Variants in PTTG1IP observed in about 807,000 individuals in gnomAD.
The protein encoded by PTTG1IP is pituitary tumor-transforming gene 1 protein-interacting protein.
In PTTG1IP, 16 loss-of-function variants were observed where a neutral mutation model predicts 24.4. The ratio of observed to expected loss-of-function variants is 0.66; its 90% CI spans 0.44 to 1.00. The LOEUF (loss-of-function observed/expected upper bound fraction) is 1.00. Among genes scored for constraint, PTTG1IP ranks in the 50% least tolerant of loss-of-function variants. The pLI is 0.00. For synonymous variants in PTTG1IP, 89 were observed against 96.8 expected, an observed-to-expected ratio of 0.92 and a Z score of 0.47; for missense variants, 241 against 245.8, an observed-to-expected ratio of 0.98 and a Z score of 0.13.
intron 3 of PTTG1IP, among the ~76,000 whole-genome samples, chr21:44,859,032 G>A (rs776458936): frequency 2.0e-5 from 3 of 152,196 alleles, no homozygotes; most frequent in Admixed American, 6.5e-5. Flanking sequence ...AGACGTGAGC[G>A]CCTGTGCCGG....
rs2083528412 is a variant in PTTG1IP, at chr21:44,865,458, G to C, written c.116-11C>G. 1.9e-6 allele frequency: 3 copies of C among 1,614,100 alleles called. No individual in the cohort carries two copies. Among genetic ancestry groups the C allele is most frequent in the Non-Finnish European group, 2.5e-6 (3 of 1,179,930 alleles). On this transcript the variant is annotated splice_polypyrimidine_tract_variant and intron_variant, in intron 1 of 5. Coordinates refer to ENST00000330938, the MANE Select transcript of PTTG1IP (RefSeq NM_004339.4). The stretch of plus-strand genomic sequence containing the variant: ...TGTTCTGAGAACAAGCTGCAGGAAA[G>C]AGGCAAGAGACAAGTCAGTCACTGA...
At chr21:44,866,582 CAAT>C in intron 1 of PTTG1IP, among the ~76,000 whole-genome samples, 1 of 127,900 alleles carries the variant, frequency 7.8e-6, no homozygotes, top group Non-Finnish European at 1.7e-5. Context: ...CCTACTCCCC[CAAT>C]CCCATAACAC....
chr21:44,871,483 G>A (rs1569328416), intron 1 of PTTG1IP, among the ~76,000 whole-genome samples: 1 of 152,192 alleles, frequency 6.6e-6, no homozygotes, highest in Non-Finnish European at 1.5e-5. Context: ...TTGCTCTAAA[G>A]ATCTTCAATA....
intron 1 of PTTG1IP, among the ~76,000 whole-genome samples, chr21:44,869,725 T>C (rs2146473640): frequency 6.6e-6 from 1 of 152,340 alleles, no homozygotes; most frequent in East Asian, 1.9e-4. Context: ...AGGACTTCAC[T>C]GCACTATTCC....
chr21:44,872,899 T>C (rs1208425521), intron 1 of PTTG1IP: 1 of 152,300 alleles, frequency 6.6e-6, no homozygotes, highest in Non-Finnish European at 1.5e-5. Flanking sequence ...TGCTTCAAAA[T>C]CAGATGCTAC....
intron 2 of PTTG1IP, among the ~76,000 whole-genome samples, chr21:44,864,390 TTTTG>T (rs1462047561): frequency 6.8e-6 from 1 of 146,276 alleles, no homozygotes; most frequent in African/African-American, 2.7e-5. Context: ...GTTCACACGT[TTTTG>T]TTTTTGTTTT....
chr21:44,869,769 T>C (rs1296730953), intron 1 of PTTG1IP, among the ~76,000 whole-genome samples: 1 of 152,164 alleles, frequency 6.6e-6, no homozygotes, highest in East Asian at 1.9e-4. Flanking sequence ...TCTTTCTAAA[T>C]ACAATCTGGG....
chr21:44,868,042 C>T (rs1309102477), intron 1 of PTTG1IP, among the ~76,000 whole-genome samples: 2 of 152,144 alleles, frequency 1.3e-5, no homozygotes, highest in African/African-American at 2.4e-5. Flanking sequence ...ATGTGCTATT[C>T]GGTTTATGGA....
intron 1 of PTTG1IP, among the ~76,000 whole-genome samples, chr21:44,872,336 G>A (rs545607345): frequency 2.0e-5 from 3 of 152,226 alleles, no homozygotes; most frequent in South Asian, 2.1e-4. Flanking sequence ...ATCCTGCATC[G>A]GAATAAACAT....
intron 5 of PTTG1IP, among the ~76,000 whole-genome samples, chr21:44,854,762 G>A (rs538365467): frequency 2.6e-5 from 4 of 152,328 alleles, no homozygotes; most frequent in African/African-American, 9.6e-5. Flanking sequence ...GAGGCTGGGC[G>A]AGAAGGAGCA....
chr21:44,873,555 G>C lies in PTTG1IP; in HGVS notation c.62C>G (p.Ala21Gly). ...CACCGGGATGAGCAGCAGGAGCAGC[G>C]CGGCGCCACCGAGGCGCAACCTCCA... ...PYWRLRLGGA[A>G]LLLLLIPVAA... Residue 21 changes from alanine (A) to glycine (G), a missense_variant, in exon 1 of 6, where the codon GCG (alanine) becomes GGG (glycine). Ala to Gly is a moderately conservative substitution (Grantham distance 60). Coordinates refer to ENST00000330938, the MANE Select transcript of PTTG1IP (RefSeq NM_004339.4). The C allele has an allele frequency of 2.0e-6, 3 of 1,474,072 alleles. No homozygotes were observed. The highest frequency in any genetic ancestry group is 1.8e-6 in the Non-Finnish European group (2 of 1,118,714). 91.3% of individuals were successfully genotyped at this position (1,474,072 alleles called of 1,614,324 possible).
Position 44,865,486 on chromosome 21 carries a change from A to G in PTTG1IP, c.116-39T>C, listed in dbSNP as rs189381262. Reference sequence around the variant, plus strand: ...GCAAGAGACAAGTCAGTCACTGAGAATCAGGCAGTGTAAATATTAGTCCAG... The same window carrying G: ...GCAAGAGACAAGTCAGTCACTGAGAGTCAGGCAGTGTAAATATTAGTCCAG... On this transcript the variant is annotated intron_variant, in intron 1 of 5. Coordinates refer to ENST00000330938, the MANE Select transcript of PTTG1IP (RefSeq NM_004339.4). 149 of 1,606,994 alleles carry G rather than the reference A, an allele frequency of 9.3e-5. No homozygotes were observed. In the African/African-American group the frequency reaches 1.9e-3, roughly 20 times the overall value.
intron 2 of PTTG1IP, among the ~76,000 whole-genome samples, chr21:44,864,712 T>C (rs2083521483): frequency 6.6e-6 from 1 of 152,198 alleles, no homozygotes; most frequent in South Asian, 2.1e-4. Flanking sequence ...CACACGTCTT[T>C]AACAAGACCT....
chr21:44,860,095 G>T (rs539935891), intron 3 of PTTG1IP, among the ~76,000 whole-genome samples: 1 of 152,168 alleles, frequency 6.6e-6, no homozygotes, highest in Non-Finnish European at 1.5e-5. Flanking sequence ...GGGGCTGGGC[G>T]CAGTGGCTCA....
chr21:44,860,889 C>T (rs1312294394), intron 3 of PTTG1IP, among the ~76,000 whole-genome samples: 2 of 152,138 alleles, frequency 1.3e-5, no homozygotes, highest in Non-Finnish European at 2.9e-5. Flanking sequence ...CTGCAAACTC[C>T]GCCTCCCGGG....
intron 3 of PTTG1IP, among the ~76,000 whole-genome samples, chr21:44,858,946 A>C (rs2083469418): frequency 6.6e-6 from 1 of 152,200 alleles, no homozygotes; most frequent in Non-Finnish European, 1.5e-5. Context: ...AGCCACTCCA[A>C]AAACATTTGG....
chr21:44,857,231 C>T (rs527452580), intron 3 of PTTG1IP, among the ~76,000 whole-genome samples: 18 of 152,352 alleles, frequency 1.2e-4, no homozygotes, highest in Admixed American at 3.3e-4. Context: ...AATCCCAGCA[C>T]TTTGGGAGGC....
chr21:44,853,473 A>G (rs1601242084), intron 5 of PTTG1IP, among the ~76,000 whole-genome samples: 2 of 145,756 alleles, frequency 1.4e-5, no homozygotes, highest in African/African-American at 2.6e-5. Context: ...GCGCCACTGC[A>G]CTCCAGCCTG....
At chr21:44,851,777 T>C in intron 5 of PTTG1IP, 150 bp from the exon 6 acceptor site, 2 of 857,828 alleles carry the variant, frequency 2.3e-6, no homozygotes, top group East Asian at 2.8e-5. Context: ...GTGCTTAACC[T>C]TTTTTGAAGT....
Sources: gnomAD v4.1 joint callset for allele counts (sites outside exome capture counted in the v4.1 genomes callset) on GRCh38, gnomAD v4.1.1 for gene constraint, MANE v1.5 for transcripts, NCBI Gene and HGNC (gene_info 2026-07-23, HGNC 2026-07-21) for gene names.